The following BACE2 variants were observed in gnomAD, a reference collection of about 807,000 sequenced individuals.
The protein encoded by BACE2 is 56 kDa aspartic-like protease.
Under a neutral mutation model 46.2 loss-of-function variants are expected in BACE2, and 17 were observed. The ratio of observed to expected loss-of-function variants is 0.37; its 90% CI spans 0.25 to 0.55. The LOEUF is 0.55. Among genes scored for constraint, BACE2 ranks in the 20% least tolerant of loss-of-function variants. The probability of loss-of-function intolerance (pLI) is 0.82; values close to 1 mark genes in which losing one functional copy is unlikely to be tolerated. For missense variants in BACE2, 595 were observed against 698.1 expected (o/e 0.85, Z 1.66); for synonymous variants, 277 against 295.9 (o/e 0.94, Z 0.66).
chr21:41,169,003 C>G (rs980526171), intron 1 of BACE2, among the ~76,000 whole-genome samples: 1 of 144,608 alleles, frequency 6.9e-6, no homozygotes, highest in African/African-American at 2.6e-5. Context: ...CGCCCCCCCC[C>G]CACCCCACCA....
At chr21:41,221,697 G>A (rs543227759) in intron 1 of BACE2, among the ~76,000 whole-genome samples, 4 of 152,182 alleles carry the variant, frequency 2.6e-5, no homozygotes, top group East Asian at 3.9e-4. Context: ...GCGTGGTGGC[G>A]GGAGCCTGTA....
chr21:41,266,749 C>A (rs1056932807), intron 8 of BACE2, among the ~76,000 whole-genome samples: 1 of 152,258 alleles, frequency 6.6e-6, no homozygotes. Flanking sequence ...TCTCTCACCC[C>A]TCCTGGTCGT....
intron 8 of BACE2, among the ~76,000 whole-genome samples, chr21:41,261,186 A>G (rs1284447517): frequency 6.6e-6 from 1 of 151,986 alleles, no homozygotes; most frequent in East Asian, 1.9e-4. Context: ...TTATTATGCA[A>G]CTCTTCAGTG....
chr21:41,257,840 T>C (rs1987832702), intron 8 of BACE2, among the ~76,000 whole-genome samples: 1 of 152,230 alleles, frequency 6.6e-6, no homozygotes, highest in Non-Finnish European at 1.5e-5. Context: ...CTCTGCAGTC[T>C]AGCTGGAGGG....
At chr21:41,241,646 C>T in intron 3 of BACE2, 173 bp from the exon 4 acceptor site, 1 of 652,916 alleles carries the variant, frequency 1.5e-6, no homozygotes, top group South Asian at 2.1e-5. Context: ...GTGGGAAGCT[C>T]TGCTGGGGCT....
intron 2 of BACE2, among the ~76,000 whole-genome samples, chr21:41,227,735 C>T (rs1441530021): frequency 6.6e-6 from 1 of 152,114 alleles, no homozygotes; most frequent in Non-Finnish European, 1.5e-5. Flanking sequence ...ATTGATATTC[C>T]CGGATACAAC....
chr21:41,248,773 CCT>C (rs147365080), intron 6 of BACE2, among the ~76,000 whole-genome samples: 45 of 152,304 alleles, frequency 3.0e-4, no homozygotes, highest in Non-Finnish European at 5.0e-4. Flanking sequence ...ACGTACCACC[CCT>C]GATATTCAGT....
intron 8 of BACE2, among the ~76,000 whole-genome samples, chr21:41,267,026 G>A (rs1389134164): frequency 6.6e-6 from 1 of 151,998 alleles, no homozygotes; most frequent in Non-Finnish European, 1.5e-5. Flanking sequence ...CCTAAGGGTT[G>A]GGGTGGGGGG....
At chr21:41,221,667 A>T (rs578184937) in intron 1 of BACE2, among the ~76,000 whole-genome samples, 4 of 151,944 alleles carry the variant, frequency 2.6e-5, no homozygotes, top group Non-Finnish European at 4.4e-5. Flanking sequence ...CTACTAAAAA[A>T]ATACAAAAAA....
chr21:41,205,845 CTG>C (rs1986106946), intron 1 of BACE2, among the ~76,000 whole-genome samples: 2 of 152,176 alleles, frequency 1.3e-5, no homozygotes, highest in Admixed American at 6.5e-5. Context: ...ATGGGGAACA[CTG>C]TATCTTCTTC....
At chr21:41,175,439 G>T (rs534814415) in intron 1 of BACE2, 3 of 152,222 alleles carry the variant, frequency 2.0e-5, no homozygotes, top group Admixed American at 2.0e-4. Context: ...GTGGCAGGGG[G>T]AGAATTTACA....
intron 8 of BACE2, among the ~76,000 whole-genome samples, chr21:41,273,096 G>C (rs925367486): frequency 1.3e-5 from 2 of 152,182 alleles, no homozygotes; most frequent in Non-Finnish European, 2.9e-5. Context: ...GATTTTCAAA[G>C]GGGAGGGAGT....
At chr21:41,275,049 C>G (rs1394309441) in intron 8 of BACE2, among the ~76,000 whole-genome samples, 1 of 152,236 alleles carries the variant, frequency 6.6e-6, no homozygotes, top group Non-Finnish European at 1.5e-5. Flanking sequence ...GACCTGCACT[C>G]TCACCTGTGT....
At chr21:41,189,194 T>TAAA (rs58968308) in intron 1 of BACE2, among the ~76,000 whole-genome samples, 174 of 145,652 alleles carry the variant, frequency 1.2e-3, no homozygotes, top group African/African-American at 3.9e-3. Flanking sequence ...TCTGGATCTT[T>TAAA]AAAAAAAAAA....
intron 8 of BACE2, among the ~76,000 whole-genome samples, chr21:41,272,548 T>C (rs1206070016): frequency 1.3e-5 from 2 of 152,128 alleles, no homozygotes; most frequent in African/African-American, 4.8e-5. Flanking sequence ...TTCATTAGTC[T>C]GTTTTTCTGC....
intron 1 of BACE2, among the ~76,000 whole-genome samples, chr21:41,173,140 C>T (rs181865166): frequency 3.9e-5 from 6 of 152,336 alleles, no homozygotes; most frequent in African/African-American, 1.4e-4. Context: ...ACCGGAGTTA[C>T]GTCTTCAGCA....
Position 41,250,774 on chromosome 21 carries a change from T to C in BACE2, c.1007T>C (p.Phe336Ser), listed in dbSNP as rs767344077. The change falls in exon 7 of 9, where the codon TTC (phenylalanine) becomes TCC (serine). Residue 336 changes from phenylalanine (F) to serine (S), a missense_variant. Phe to Ser is a radical substitution (Grantham distance 155, BLOSUM62 -2). Coordinates refer to ENST00000330333, the MANE Select transcript of BACE2 (RefSeq NM_012105.5). Reference protein sequence around the residue: ...ASLIPEFSDGFWTGSQLACWT... With the variant: ...ASLIPEFSDGSWTGSQLACWT... ...TAGATTCCAGAATTCTCTGATGGTT[T>C]CTGGACTGGGTCCCAGCTGGCGTGC... is the stretch of plus-strand genomic sequence containing the variant. The C allele has an allele frequency of 6.2e-7, 1 of 1,614,146 alleles. No individual in the cohort carries two copies. The highest frequency in any genetic ancestry group is 8.5e-7 in the Non-Finnish European group (1 of 1,180,030).
At chr21:41,221,826 T>TAAAA (rs1986663323) in intron 1 of BACE2, among the ~76,000 whole-genome samples, 2 of 69,256 alleles carry the variant, frequency 2.9e-5, no homozygotes, top group African/African-American at 2.1e-4. Flanking sequence ...AGACTCTGTC[T>TAAAA]CAAAAAAAAA....
chr21:41,226,208 T>C, intron 1 of BACE2, 58 bp from the exon 2 acceptor site: 1 of 1,323,912 alleles, frequency 7.6e-7, no homozygotes, highest in South Asian at 1.2e-5. Context: ...TCAAGAGTAT[T>C]GCCTTATTAA....
Sources: allele counts gnomAD v4.1 joint callset (sites outside exome capture counted in the v4.1 genomes callset), GRCh38; gene constraint gnomAD v4.1.1; transcripts MANE v1.5; gene names NCBI Gene and HGNC (gene_info 2026-07-23, HGNC 2026-07-21).